Variants in NSUN3 observed in about 807,000 individuals in gnomAD.
The protein encoded by NSUN3 is tRNA (cytosine(34)-C(5))-methyltransferase, mitochondrial.
A neutral mutation model predicts 36.8 loss-of-function variants in NSUN3; 24 were observed. That is an observed-to-expected ratio of 0.65 (90% confidence interval 0.47 to 0.92). The LOEUF (loss-of-function observed/expected upper bound fraction) is 0.92. Ranked by LOEUF, NSUN3 falls within the 40% of genes least tolerant of loss-of-function variation. NSUN3 has a pLI of 0.00. For missense variants in NSUN3, 381 were observed against 392.8 expected, an observed-to-expected ratio of 0.97 and a Z score of 0.25; for synonymous variants, 146 against 145.2, an observed-to-expected ratio of 1.01 and a Z score of -0.04.
intron 2 of NSUN3, among the ~76,000 whole-genome samples, chr3:94,070,310 A>C (rs1029909925): frequency 5.3e-5 from 8 of 152,074 alleles, no homozygotes; most frequent in Non-Finnish European, 1.2e-4. Context: ...AAAAATAAGC[A>C]ATTAGCTGGG....
chr3:94,065,139 T>C (rs2107232176), intron 2 of NSUN3, among the ~76,000 whole-genome samples: 1 of 152,322 alleles, frequency 6.6e-6, no homozygotes, highest in South Asian at 2.1e-4. Context: ...GTTCTTGACA[T>C]TGAGTGCCTG....
chr3:94,075,610 A>G (rs1042757973), intron 2 of NSUN3, among the ~76,000 whole-genome samples: 3 of 152,190 alleles, frequency 2.0e-5, no homozygotes, highest in African/African-American at 4.8e-5. Context: ...GCGATATAGC[A>G]TAAGAAGAAA....
chr3:94,074,978 C>T (rs1325306554), intron 2 of NSUN3, among the ~76,000 whole-genome samples: 1 of 152,022 alleles, frequency 6.6e-6, no homozygotes, highest in Non-Finnish European at 1.5e-5. Context: ...AGATATGATC[C>T]ATCGATACCT....
intron 2 of NSUN3, 25 bp downstream of exon 2, chr3:94,064,571 T>G: frequency 7.3e-7 from 1 of 1,373,034 alleles, no homozygotes; most frequent in Non-Finnish European, 1.0e-6. Context: ...TCTCGATGCT[T>G]TATGATGGAA....
intron 5 of NSUN3, among the ~76,000 whole-genome samples, chr3:94,101,347 T>C (rs988595638): frequency 2.0e-5 from 3 of 152,072 alleles, no homozygotes; most frequent in African/African-American, 7.2e-5. Context: ...TCCTTAAAAT[T>C]TTTTAAAATT....
At chr3:94,078,982 G>C (rs2077257490) in intron 2 of NSUN3, among the ~76,000 whole-genome samples, 1 of 152,162 alleles carries the variant, frequency 6.6e-6, no homozygotes, top group African/African-American at 2.4e-5. Context: ...GATGCTAGCT[G>C]TTTATTTTGT....
chr3:94,110,168 T>G (rs142714361), intron 5 of NSUN3, among the ~76,000 whole-genome samples: 8 of 152,262 alleles, frequency 5.3e-5, no homozygotes, highest in African/African-American at 1.9e-4. Flanking sequence ...TGAATAAGGC[T>G]TGAGGCCACT....
chr3:94,129,198 C>T lies in NSUN3; in HGVS notation c.*2708C>T, dbSNP rs1290673581. ...ATTGTCCTACAAAAAAAGACATAAA[C>T]GCTTGTGTGTTCATCACAGTAATAT... On this transcript the variant is annotated 3_prime_UTR_variant, in exon 6 of 6. Transcript: ENST00000314622. Among the ~76,000 whole-genome samples the T allele has an allele frequency of 1.3e-5, 2 of 152,082 alleles. No homozygotes were observed. Among genetic ancestry groups the T allele is most frequent in the Non-Finnish European group, 2.9e-5 (2 of 68,010 alleles).
At chr3:94,103,048 G>T (rs558161788) in intron 5 of NSUN3, among the ~76,000 whole-genome samples, 7 of 151,944 alleles carry the variant, frequency 4.6e-5, no homozygotes, top group African/African-American at 1.4e-4. Flanking sequence ...CACCATACCT[G>T]GCTACTTTTT....
chr3:94,102,732 G>A (rs1255788817), intron 5 of NSUN3, among the ~76,000 whole-genome samples: 1 of 151,956 alleles, frequency 6.6e-6, no homozygotes, highest in East Asian at 1.9e-4. Flanking sequence ...AAAAGATTGA[G>A]GAGCCATCCA....
intron 2 of NSUN3, among the ~76,000 whole-genome samples, chr3:94,070,826 A>G (rs554207683): frequency 1.4e-4 from 21 of 152,342 alleles, no homozygotes; most frequent in African/African-American, 3.4e-4. Flanking sequence ...ATTCTCTGAC[A>G]AGTCAGGTGG....
chr3:94,105,317 C>T (rs765695816), intron 5 of NSUN3, among the ~76,000 whole-genome samples: 7 of 152,122 alleles, frequency 4.6e-5, no homozygotes, highest in Non-Finnish European at 7.4e-5. Context: ...GTTAAGAGTC[C>T]CTGTGACTCT....
At chr3:94,084,664 A>C in intron 3 of NSUN3, 1 of 466,402 alleles carries the variant, frequency 2.1e-6, no homozygotes, top group Non-Finnish European at 3.8e-6. Context: ...GGTGATTGGG[A>C]ACAAAACTTC....
intron 5 of NSUN3, among the ~76,000 whole-genome samples, chr3:94,123,231 G>A (rs1310991690): frequency 6.6e-6 from 1 of 152,086 alleles, no homozygotes; most frequent in African/African-American, 2.4e-5. Context: ...CTCACTCTGA[G>A]GCTTCACTCC....
chr3:94,109,614 C>T (rs892877841), intron 5 of NSUN3, among the ~76,000 whole-genome samples: 1 of 152,148 alleles, frequency 6.6e-6, no homozygotes, highest in Admixed American at 6.5e-5. Context: ...TCTGCACATC[C>T]GGTTTGATGA....
At position 94,081,220 on chromosome 3, in the gene NSUN3, C is replaced by T. The variant is rs569167894; in HGVS notation, c.123-2887C>T. ...GGCGATGCCCCACCCTGCTTCAGCTCGCCCTCTGTGGGCTGCACCTACTGT... is the reference window on the plus strand; with the variant it reads ...GGCGATGCCCCACCCTGCTTCAGCTTGCCCTCTGTGGGCTGCACCTACTGT... On this transcript the variant is annotated intron_variant, in intron 2 of 5. Coordinates refer to ENST00000314622, the MANE Select transcript of NSUN3 (RefSeq NM_022072.5). Among the ~76,000 whole-genome samples the T allele has an allele frequency of 3.6e-3, 544 of 152,270 alleles. 2 individuals are homozygous for T. Among genetic ancestry groups the T allele is most frequent in the Non-Finnish European group, 5.0e-3 (338 of 68,016 alleles).
rs2077493344 is a variant in NSUN3, at chr3:94,127,748, G to A, written c.*1258G>A. ...AATTCTGCTAAAGCTGAATACTTTT[G>A]AATTGTTCATTATGTTCTGTGCCTT... On this transcript the variant is annotated 3_prime_UTR_variant, in exon 6 of 6. Coordinates refer to ENST00000314622, the MANE Select transcript of NSUN3 (RefSeq NM_022072.5). 1 of 151,982 alleles carries A rather than the reference G, an allele frequency of 6.6e-6. No homozygotes were observed. The highest frequency in any genetic ancestry group is 2.4e-5 in the African/African-American group (1 of 41,380). 9.4% of individuals were successfully genotyped at this position (151,982 alleles called of 1,614,324 possible).
chr3:94,106,862 G>T (rs1190256072), intron 5 of NSUN3, among the ~76,000 whole-genome samples: 1 of 151,946 alleles, frequency 6.6e-6, no homozygotes, highest in African/African-American at 2.4e-5. Flanking sequence ...AAAATGAAAT[G>T]GAAAGGAAAA....
intron 2 of NSUN3, among the ~76,000 whole-genome samples, chr3:94,072,805 T>C (rs1433241569): frequency 6.6e-6 from 1 of 150,522 alleles, no homozygotes; most frequent in African/African-American, 2.5e-5. Flanking sequence ...GTTCTTCTCT[T>C]TTTTTTTTAT....
Sources: gnomAD v4.1 joint callset for allele counts (sites outside exome capture counted in the v4.1 genomes callset) on GRCh38, gnomAD v4.1.1 for gene constraint, MANE v1.5 for transcripts, NCBI Gene and HGNC (gene_info 2026-07-23, HGNC 2026-07-21) for gene names.